The following ITPRID1 variants were observed in gnomAD, a reference collection of about 807,000 sequenced individuals.
ITPRID1 encodes the protein protein ITPRID1.
ITPRID1 carries 96 observed loss-of-function variants against 95.4 expected under a neutral mutation model. The ratio of observed to expected loss-of-function variants is 1.01; its 90% CI spans 0.85 to 1.19. ITPRID1 has a LOEUF of 1.19. Ranked by LOEUF, ITPRID1 falls within the 50% of genes most tolerant of loss-of-function variation. ITPRID1 has a pLI of 0.00. For missense variants in ITPRID1, 1,339 were observed against 1,252.9 expected (o/e 1.07, Z -1.04); for synonymous variants, 510 against 453.6 (o/e 1.12, Z -1.58).
At chr7:31,626,822 GTC>G (rs1264422081) in intron 10 of ITPRID1, among the ~76,000 whole-genome samples, 1 of 152,184 alleles carries the variant, frequency 6.6e-6, no homozygotes, top group Non-Finnish European at 1.5e-5. Flanking sequence ...CACAGTCTTA[GTC>G]TCCATTGTAT....
intron 1 of ITPRID1, among the ~76,000 whole-genome samples, chr7:31,547,484 A>G (rs867022160): frequency 1.5e-5 from 2 of 130,282 alleles, no homozygotes; most frequent in African/African-American, 2.6e-5. Context: ...AAAAGCCAAC[A>G]GATCTCATGA....
chr7:31,628,897 A>G (rs1217836314), intron 10 of ITPRID1, among the ~76,000 whole-genome samples: 3 of 152,228 alleles, frequency 2.0e-5, no homozygotes, highest in Non-Finnish European at 4.4e-5. Flanking sequence ...CAGTGGACTC[A>G]ACAAGGACAA....
intron 5 of ITPRID1, among the ~76,000 whole-genome samples, chr7:31,560,171 A>G (rs1784579219): frequency 1.3e-5 from 2 of 152,326 alleles, no homozygotes; most frequent in East Asian, 3.9e-4. Flanking sequence ...ATAAGATGGC[A>G]TATGCAAAGC....
At chr7:31,519,606 C>A (rs1295558547) in intron 1 of ITPRID1, among the ~76,000 whole-genome samples, 5 of 56,832 alleles carry the variant, frequency 8.8e-5, no homozygotes, top group Admixed American at 4.4e-4. Context: ...CTCTCTCTCT[C>A]TCTCTCTCTC....
rs1714551416 is a variant in ITPRID1 at position 31,553,073 on chromosome 7, G to C, written c.49G>C (p.Glu17Gln). 6.2e-7 allele frequency: 1 copy of C among 1,608,690 alleles called. No individual in the cohort carries two copies. The highest frequency in any genetic ancestry group is 8.5e-7 in the Non-Finnish European group (1 of 1,177,516). Residue 17 changes from glutamate to glutamine, a missense_variant, in exon 3 of 15, where the codon GAA (glutamate) becomes CAA (glutamine). Glu to Gln is a conservative substitution (Grantham distance 29). Transcript: ENST00000615280. ...ATCTGACAACCTTCAGGAAGGCCAG[G>C]AAAAGAGCAAGAGAGAGATCCTGAA... is the stretch of plus-strand genomic sequence containing the variant. ...QGSDNLQEGQ[E>Q]KSKREILKCT...
At chr7:31,516,717 A>T (rs1281117303) in intron 1 of ITPRID1, among the ~76,000 whole-genome samples, 2 of 152,198 alleles carry the variant, frequency 1.3e-5, no homozygotes, top group Non-Finnish European at 2.9e-5. Flanking sequence ...TCTACAACAG[A>T]AGTTTTTAAC....
intron 1 of ITPRID1, among the ~76,000 whole-genome samples, chr7:31,537,863 C>G (rs1359332890): frequency 6.6e-6 from 1 of 152,014 alleles, no homozygotes; most frequent in Non-Finnish European, 1.5e-5. Context: ...TCTTCTCCCC[C>G]CAAAATAAGA....
At chr7:31,576,934 T>C (rs1489261487) in intron 8 of ITPRID1, among the ~76,000 whole-genome samples, 2 of 150,926 alleles carry the variant, frequency 1.3e-5, no homozygotes, top group Non-Finnish European at 3.0e-5. Context: ...TTTTTTTTTT[T>C]CAAACTGGCA....
chr7:31,554,859 G>A lies in ITPRID1; in HGVS notation c.214G>A (p.Val72Ile). 6.4e-7 allele frequency: 1 copy of A among 1,573,596 alleles called. No homozygotes were observed. The highest frequency in any genetic ancestry group is 8.6e-7 in the Non-Finnish European group (1 of 1,156,770). ...IQQWLDSGFF[V>I]SANENFQQVI... ...CACAATACTTTTGTTTCTTTACAGT[G>A]TCTCTGCAAATGAAAACTTTCAACA... The change falls in exon 5 of 15, where the codon GTC becomes ATC. Residue 72 changes from valine (V) to isoleucine (I), a missense_variant and splice_region_variant. Transcript: ENST00000615280.
intron 5 of ITPRID1, among the ~76,000 whole-genome samples, chr7:31,556,892 A>C (rs1784465917): frequency 6.6e-6 from 1 of 151,992 alleles, no homozygotes; most frequent in South Asian, 2.1e-4. Context: ...TGGAAGCCCA[A>C]AATCAAGGTG....
rs1554279824 is a variant in ITPRID1, at chr7:31,519,620, C to CCATATATATA, written c.-98+5500_-98+5501insCATATATATA. On this transcript the variant is annotated intron_variant, in intron 1 of 14. Coordinates refer to ENST00000615280, the MANE Select transcript of ITPRID1 (RefSeq NM_001257967.3). ...TCTCTCTCTCTCTCTCTCTCTCTCT[C>CCATATATATA]TATATATATATATATATATATATAT... 3.2e-4 allele frequency among the ~76,000 whole-genome samples: 8 copies of CCATATATATA among 25,252 alleles called. No homozygotes were observed. In the South Asian group the frequency reaches 6.1e-3, roughly 19 times the overall value. 16.6% of individuals were successfully genotyped at this position (25,252 alleles called of 152,430 possible).
chr7:31,623,064 A>C (rs528062146), intron 10 of ITPRID1, among the ~76,000 whole-genome samples: 338 of 152,352 alleles, frequency 2.2e-3, no homozygotes, highest in Admixed American at 4.1e-3. Flanking sequence ...GAAGAAGTTG[A>C]ATCTCTGAAT....
At chr7:31,642,650 C>G in intron 11 of ITPRID1, 32 bp from the exon 12 acceptor site, 1 of 1,593,266 alleles carries the variant, frequency 6.3e-7, no homozygotes. Flanking sequence ...CACTTCCTGA[C>G]CTGTTTCCCT....
chr7:31,584,443 A>G (rs1271430791), intron 10 of ITPRID1, among the ~76,000 whole-genome samples: 2 of 152,204 alleles, frequency 1.3e-5, no homozygotes, highest in Admixed American at 6.5e-5. Flanking sequence ...ATGCTTTTCA[A>G]TGAAGCTGGA....
At chr7:31,602,334 A>T (rs1349464906) in intron 10 of ITPRID1, among the ~76,000 whole-genome samples, 3 of 152,088 alleles carry the variant, frequency 2.0e-5, no homozygotes, top group African/African-American at 7.2e-5. Context: ...TTAAAAATTC[A>T]CTCTACAGTA....
chr7:31,646,555 G>A (rs373768808), intron 12 of ITPRID1, among the ~76,000 whole-genome samples: 2 of 152,262 alleles, frequency 1.3e-5, no homozygotes, highest in South Asian at 2.1e-4. Flanking sequence ...CCAGCTCCAG[G>A]GTGACCAAGT....
chr7:31,587,257 A>G (rs1785656349), intron 10 of ITPRID1, among the ~76,000 whole-genome samples: 1 of 152,124 alleles, frequency 6.6e-6, no homozygotes, highest in Non-Finnish European at 1.5e-5. Flanking sequence ...CTCAGCCCAA[A>G]ATCTCCTTAA....
intron 10 of ITPRID1, among the ~76,000 whole-genome samples, chr7:31,599,659 C>CT (rs1562598996): frequency 0.12 from 3,767 of 31,264 alleles, 432 homozygotes; most frequent in African/African-American, 0.24. Context: ...TTCTTTCTTT[C>CT]CTTTCTCTCT....
intron 9 of ITPRID1, among the ~76,000 whole-genome samples, 154 bp downstream of exon 9, chr7:31,578,588 G>A (rs1205615560): frequency 6.6e-6 from 1 of 152,058 alleles, no homozygotes; most frequent in Non-Finnish European, 1.5e-5. Flanking sequence ...AGTCATTCTA[G>A]TTGCTTTTGT....
Sources: allele counts gnomAD v4.1 joint callset (sites outside exome capture counted in the v4.1 genomes callset), GRCh38; gene constraint gnomAD v4.1.1; transcripts MANE v1.5; gene names NCBI Gene and HGNC (gene_info 2026-07-23, HGNC 2026-07-21).